The following TCF12 variants were observed in gnomAD, a reference collection of about 807,000 sequenced individuals.
The protein encoded by TCF12 is transcription factor 12, also known as DNA-binding protein HTF4.
A neutral mutation model predicts 86.0 loss-of-function variants in TCF12; 45 were observed. That is an observed-to-expected ratio of 0.52 (90% CI 0.41 to 0.67). The LOEUF is 0.67. Ranked by LOEUF, TCF12 falls within the 30% of genes least tolerant of loss-of-function variation. TCF12 has a pLI of 0.00. For missense variants in TCF12, 881 were observed against 859.9 expected, an observed-to-expected ratio of 1.02 and a Z score of -0.31; for synonymous variants, 330 against 299.6, an observed-to-expected ratio of 1.10 and a Z score of -1.05.
chr15:57,137,813 G>A (rs1175989616), intron 5 of TCF12, among the ~76,000 whole-genome samples: 1 of 152,144 alleles, frequency 6.6e-6, no homozygotes, highest in Non-Finnish European at 1.5e-5. Flanking sequence ...CGGATCACGA[G>A]ATCAGGAGTT....
At chr15:57,096,415 T>A (rs2049325490) in intron 5 of TCF12, among the ~76,000 whole-genome samples, 1 of 152,034 alleles carries the variant, frequency 6.6e-6, no homozygotes, top group Non-Finnish European at 1.5e-5. Flanking sequence ...AAAAAGATCA[T>A]GAAAGTTCTC....
At chr15:57,278,705 T>TCCCTCCCTCCCTCTCCCC (rs2061521820) in intron 19 of TCF12, 1 of 89,096 alleles carries the variant, frequency 1.1e-5, no homozygotes, top group East Asian at 3.5e-4. Flanking sequence ...TCTCTCTCCC[T>TCCCTCCCTCCCTCTCCCC]CCCTCCCTCC....
chr15:57,069,854 A>G (rs1405635264), intron 4 of TCF12, among the ~76,000 whole-genome samples: 2 of 152,238 alleles, frequency 1.3e-5, no homozygotes, highest in African/African-American at 2.4e-5. Flanking sequence ...AGGACATGGG[A>G]CATGATATGA....
intron 5 of TCF12, among the ~76,000 whole-genome samples, chr15:57,135,208 C>T (rs2052432444): frequency 6.6e-6 from 1 of 152,144 alleles, no homozygotes; most frequent in Non-Finnish European, 1.5e-5. Flanking sequence ...TGGGATGCAA[C>T]AAACATCCAG....
chr15:56,931,168 A>G (rs1306106665), intron 3 of TCF12, among the ~76,000 whole-genome samples: 1 of 68,832 alleles, frequency 1.5e-5, no homozygotes, highest in African/African-American at 1.4e-4. Flanking sequence ...TAAATACAGA[A>G]AAAAAAATTG....
At chr15:57,262,414 G>A (rs997880046) in intron 17 of TCF12, among the ~76,000 whole-genome samples, 2 of 152,060 alleles carry the variant, frequency 1.3e-5, no homozygotes, top group Admixed American at 6.5e-5. Context: ...ATAGAGCCAC[G>A]TACAGACCAT....
At chr15:57,255,680 C>T (rs1944996587) in intron 16 of TCF12, among the ~76,000 whole-genome samples, 1 of 152,092 alleles carries the variant, frequency 6.6e-6, no homozygotes, top group South Asian at 2.1e-4. Flanking sequence ...GATGGGGTTT[C>T]ACCATATTGG....
intron 8 of TCF12, chr15:57,218,909 G>T: frequency 2.4e-6 from 1 of 412,918 alleles, no homozygotes; most frequent in Non-Finnish European, 3.4e-6. Flanking sequence ...AGAGGTATTT[G>T]CATGATGGTC....
At chr15:57,121,196 T>C (rs1415680471) in intron 5 of TCF12, among the ~76,000 whole-genome samples, 1 of 152,130 alleles carries the variant, frequency 6.6e-6, no homozygotes, top group African/African-American at 2.4e-5. Context: ...GAAACTGAGG[T>C]TCTTTCGCTA....
chr15:57,216,116 C>T (rs2058321110), intron 8 of TCF12, among the ~76,000 whole-genome samples: 1 of 152,118 alleles, frequency 6.6e-6, no homozygotes, highest in Non-Finnish European at 1.5e-5. Context: ...ACTGGAATAG[C>T]AGCAAACATA....
intron 6 of TCF12, among the ~76,000 whole-genome samples, chr15:57,183,512 A>T (rs2056486462): frequency 6.6e-6 from 1 of 152,100 alleles, no homozygotes; most frequent in Admixed American, 6.5e-5. Context: ...TTCTTACCAT[A>T]GCCATTGGGA....
At chr15:57,209,911 A>T (rs1290658017) in intron 8 of TCF12, among the ~76,000 whole-genome samples, 1 of 152,122 alleles carries the variant, frequency 6.6e-6, no homozygotes, top group African/African-American at 2.4e-5. Context: ...GGGCCTTTGC[A>T]TTTGCAGTTT....
intron 5 of TCF12, among the ~76,000 whole-genome samples, chr15:57,121,680 C>G (rs757369510): frequency 1.3e-5 from 2 of 152,192 alleles, no homozygotes; most frequent in Non-Finnish European, 2.9e-5. Context: ...CAACCCATAT[C>G]AGATGCCAGT....
chr15:56,957,600 A>G (rs2061553844), intron 3 of TCF12, among the ~76,000 whole-genome samples: 1 of 152,162 alleles, frequency 6.6e-6, no homozygotes, highest in Non-Finnish European at 1.5e-5. Context: ...AACATTTTGA[A>G]CATATAGAGC....
intron 8 of TCF12, among the ~76,000 whole-genome samples, chr15:57,215,236 T>G (rs1378072852): frequency 6.6e-6 from 1 of 152,170 alleles, no homozygotes; most frequent in Non-Finnish European, 1.5e-5. Flanking sequence ...ACTAAAATAC[T>G]GCACATTTGA....
chr15:56,940,736 C>A (rs2439921), intron 3 of TCF12, among the ~76,000 whole-genome samples: 20,619 of 108,830 alleles, frequency 0.19, 1,681 homozygotes, highest in Non-Finnish European at 0.24. Context: ...TTCTCTCCCC[C>A]CCCTTCTCCT....
In TCF12 at chr15:57,276,600, T is replaced by G. The variant is rs1220030021; in HGVS notation, c.1978+3338T>G. ...GCCCCGAAGTTAAAATACATAATCATGAAATTTCAGAGCATTCGGGTAAAA... is the reference window on the plus strand; with the variant it reads ...GCCCCGAAGTTAAAATACATAATCAGGAAATTTCAGAGCATTCGGGTAAAA... On this transcript the variant is annotated intron_variant, in intron 19 of 20. Coordinates refer to ENST00000333725, the MANE Select transcript of TCF12 (RefSeq NM_207037.2). 3.9e-5 allele frequency among the ~76,000 whole-genome samples: 6 copies of G among 152,112 alleles called. No homozygotes were observed. The South Asian group carries it at 1.2e-3, about 31-fold the overall frequency.
intron 3 of TCF12, among the ~76,000 whole-genome samples, chr15:57,045,434 G>A (rs1244362197): frequency 1.3e-5 from 2 of 152,180 alleles, no homozygotes; most frequent in Non-Finnish European, 2.9e-5. Flanking sequence ...ACTTTAAAGA[G>A]CAGTGGGATC....
intron 3 of TCF12, among the ~76,000 whole-genome samples, chr15:57,019,379 A>G (rs543722429): frequency 7.2e-5 from 11 of 152,216 alleles, no homozygotes; most frequent in Admixed American, 5.9e-4. Context: ...AACCCAATTC[A>G]CTGAGACAGT....
Sources: allele counts gnomAD v4.1 joint callset (sites outside exome capture counted in the v4.1 genomes callset), GRCh38; gene constraint gnomAD v4.1.1; transcripts MANE v1.5; gene names NCBI Gene and HGNC (gene_info 2026-07-23, HGNC 2026-07-21).